ARHGAP15: variants seen among roughly 807,000 people sequenced by gnomAD.
ARHGAP15 encodes rho GTPase-activating protein 15.
Under a neutral mutation model 63.7 loss-of-function variants are expected in ARHGAP15, and 51 were observed. The observed-to-expected ratio is 0.80, with a 90% CI of 0.64 to 1.01. ARHGAP15 has a LOEUF of 1.01. Ranked by LOEUF, ARHGAP15 falls within the 50% of genes least tolerant of loss-of-function variation. The pLI, the probability that ARHGAP15 is intolerant of heterozygous loss-of-function variation, is 0.00. For missense variants in ARHGAP15, 560 were observed against 564.6 expected (o/e 0.99, Z 0.08); for synonymous variants, 191 against 193.8 (o/e 0.99, Z 0.12).
intron 12 of ARHGAP15, among the ~76,000 whole-genome samples, chr2:143,693,478 C>A (rs1683704500): frequency 6.6e-6 from 1 of 152,166 alleles, no homozygotes; most frequent in South Asian, 2.1e-4. Flanking sequence ...CCTAATGGAA[C>A]ACTTGAGAAA....
At chr2:143,679,381 C>A (rs1443387647) in intron 12 of ARHGAP15, among the ~76,000 whole-genome samples, 1 of 152,158 alleles carries the variant, frequency 6.6e-6, no homozygotes, top group East Asian at 1.9e-4. Flanking sequence ...AGTCAACCTG[C>A]TCTTATTTTT....
At chr2:143,505,364 A>T (rs541870142) in intron 9 of ARHGAP15, among the ~76,000 whole-genome samples, 1 of 152,176 alleles carries the variant, frequency 6.6e-6, no homozygotes. Flanking sequence ...ATCTCACAAC[A>T]TGATACCTAT....
At chr2:143,672,528 G>T (rs1327894785) in intron 12 of ARHGAP15, among the ~76,000 whole-genome samples, 1 of 152,040 alleles carries the variant, frequency 6.6e-6, no homozygotes, top group Non-Finnish European at 1.5e-5. Context: ...GATAAATTTT[G>T]ATTCCAAAAT....
chr2:143,141,599 A>C (rs879935122), intron 1 of ARHGAP15, among the ~76,000 whole-genome samples: 7 of 152,160 alleles, frequency 4.6e-5, no homozygotes, highest in Non-Finnish European at 7.4e-5. Flanking sequence ...AGCAAAGAGC[A>C]CAGCACAATA....
chr2:143,314,947 T>C (rs1170084820), intron 6 of ARHGAP15, among the ~76,000 whole-genome samples: 1 of 152,240 alleles, frequency 6.6e-6, no homozygotes, highest in Non-Finnish European at 1.5e-5. Context: ...ATACTCATTA[T>C]ATATAATGCA....
chr2:143,457,268 C>A (rs1179363784), intron 8 of ARHGAP15, among the ~76,000 whole-genome samples: 1 of 151,948 alleles, frequency 6.6e-6, no homozygotes, highest in Non-Finnish European at 1.5e-5. Flanking sequence ...GTGAGGCATG[C>A]TAGCTCATGC....
intron 11 of ARHGAP15, among the ~76,000 whole-genome samples, chr2:143,603,190 T>C (rs756153267): frequency 1.2e-4 from 19 of 152,200 alleles, no homozygotes; most frequent in Admixed American, 5.9e-4. Flanking sequence ...CCTTGAGTCA[T>C]GTGAAGTAGG....
chr2:143,540,202 C>T (rs1268139202), intron 10 of ARHGAP15, among the ~76,000 whole-genome samples: 6 of 152,088 alleles, frequency 3.9e-5, no homozygotes, highest in East Asian at 1.9e-4. Flanking sequence ...AGGATTGCAA[C>T]CCCTGCCTTT....
intron 9 of ARHGAP15, among the ~76,000 whole-genome samples, chr2:143,510,018 T>TAAAAAAAAAAAAA (rs35469918): frequency 3.1e-4 from 15 of 48,824 alleles, no homozygotes; most frequent in Non-Finnish European, 4.6e-4. Flanking sequence ...GACTCCCTCT[T>TAAAAAAAAAAAAA]AAAAAAAAAA....
chr2:143,761,584 G>A (rs1378487491), intron 13 of ARHGAP15, among the ~76,000 whole-genome samples: 1 of 152,102 alleles, frequency 6.6e-6, no homozygotes, highest in Non-Finnish European at 1.5e-5. Flanking sequence ...TCTTAATTCA[G>A]CATTAATTTT....
intron 6 of ARHGAP15, among the ~76,000 whole-genome samples, chr2:143,282,213 T>G (rs913787128): frequency 6.6e-6 from 1 of 151,076 alleles, no homozygotes; most frequent in Non-Finnish European, 1.5e-5. Context: ...TCTATTACTT[T>G]AATAATAATT....
At chr2:143,245,726 A>G (rs536228799) in intron 5 of ARHGAP15, among the ~76,000 whole-genome samples, 1 of 152,212 alleles carries the variant, frequency 6.6e-6, no homozygotes, top group South Asian at 2.1e-4. Flanking sequence ...TTCTTGGACA[A>G]CTCAGGAAAT....
intron 3 of ARHGAP15, among the ~76,000 whole-genome samples, chr2:143,207,575 G>A (rs1291030757): frequency 1.3e-5 from 2 of 151,532 alleles, no homozygotes; most frequent in Non-Finnish European, 2.9e-5. Flanking sequence ...TTACTTCCTA[G>A]TCTTGACTTG....
intron 4 of ARHGAP15, among the ~76,000 whole-genome samples, chr2:143,225,817 A>G (rs1693190102): frequency 6.6e-6 from 1 of 152,190 alleles, no homozygotes; most frequent in African/African-American, 2.4e-5. Flanking sequence ...CATAAACTAG[A>G]TGATCAGGTT....
chr2:143,558,475 A>T (rs1293951727), intron 11 of ARHGAP15, among the ~76,000 whole-genome samples: 2 of 152,168 alleles, frequency 1.3e-5, no homozygotes, highest in Non-Finnish European at 2.9e-5. Context: ...TATAAGACCC[A>T]TAGATTTAAT....
intron 11 of ARHGAP15, among the ~76,000 whole-genome samples, chr2:143,586,803 G>A (rs544330967): frequency 6.6e-6 from 1 of 151,782 alleles, no homozygotes; most frequent in South Asian, 2.1e-4. Flanking sequence ...TGCTGTTTCT[G>A]TAATTAGCTA....
chr2:143,161,724 A>G (rs1690306067), intron 2 of ARHGAP15, among the ~76,000 whole-genome samples: 1 of 151,968 alleles, frequency 6.6e-6, no homozygotes, highest in Non-Finnish European at 1.5e-5. Flanking sequence ...GTAGAGAGGA[A>G]AGCAACAATG....
intron 6 of ARHGAP15, among the ~76,000 whole-genome samples, chr2:143,385,038 A>G (rs1002287242): frequency 2.0e-5 from 3 of 152,182 alleles, no homozygotes; most frequent in Non-Finnish European, 4.4e-5. Flanking sequence ...TATTTTACCT[A>G]GAGAGAAGCT....
chr2:143,251,190 C>T (rs998658860), intron 6 of ARHGAP15, among the ~76,000 whole-genome samples: 16 of 148,868 alleles, frequency 1.1e-4, no homozygotes, highest in Admixed American at 9.5e-4. Flanking sequence ...TAATTTCACA[C>T]GTTACCAAAA....
Sources: gnomAD v4.1 joint callset for allele counts (sites outside exome capture counted in the v4.1 genomes callset) on GRCh38, gnomAD v4.1.1 for gene constraint, MANE v1.5 for transcripts, NCBI Gene and HGNC (gene_info 2026-07-23, HGNC 2026-07-21) for gene names.